EXPH5: variants seen among roughly 807,000 people sequenced by gnomAD.
The protein encoded by EXPH5 is exophilin 5, also known as exophilin-5.
Under a neutral mutation model 41.1 loss-of-function variants are expected in EXPH5, and 42 were observed. The observed-to-expected ratio is 1.02, with a 90% CI of 0.80 to 1.32. The LOEUF (loss-of-function observed/expected upper bound fraction) is 1.32, where lower values mean the gene tolerates loss of function less well. Among genes scored for constraint, EXPH5 ranks in the 40% most tolerant of loss-of-function variants. The pLI is 0.00. For missense variants in EXPH5, 2,298 were observed against 2,314.5 expected (o/e 0.99, Z 0.15); for synonymous variants, 798 against 833.5 (o/e 0.96, Z 0.73).
chr11:108,542,270 T>C (rs2093917050), intron 1 of EXPH5, among the ~76,000 whole-genome samples: 1 of 151,560 alleles, frequency 6.6e-6, no homozygotes, highest in African/African-American at 2.4e-5. Context: ...AATCTGTAAG[T>C]CTAGAAAAAA....
chr11:108,575,102 A>G (rs1001251870), intron 1 of EXPH5, among the ~76,000 whole-genome samples: 2 of 152,254 alleles, frequency 1.3e-5, no homozygotes, highest in African/African-American at 2.4e-5. Flanking sequence ...ATGGGTAGCT[A>G]TGTGAATAGA....
At chr11:108,556,698 C>T (rs933420926) in intron 1 of EXPH5, among the ~76,000 whole-genome samples, 1 of 152,212 alleles carries the variant, frequency 6.6e-6, no homozygotes, top group Non-Finnish European at 1.5e-5. Context: ...TGGTCTCGAA[C>T]TCCTGGCCTC....
At position 108,539,444 on chromosome 11, in the gene EXPH5, G is replaced by A. The variant is rs139640541; in HGVS notation, c.281-258C>T. Among the ~76,000 whole-genome samples the A allele has an allele frequency of 1.9e-3, 282 of 152,232 alleles. 1 individual carries two copies. The highest frequency in any genetic ancestry group is 3.4e-3 in the Non-Finnish European group (231 of 68,020). On this transcript the variant is annotated intron_variant, in intron 2 of 5. Coordinates refer to ENST00000265843, the MANE Select transcript of EXPH5 (RefSeq NM_015065.3). ...TGTACTGTGAATCAGAGTTCCTAGA[G>A]TGTTCCTCCTCTCACCCAAGCTAGG...
At chr11:108,559,020 C>T (rs759606384) in intron 1 of EXPH5, among the ~76,000 whole-genome samples, 22 of 152,170 alleles carry the variant, frequency 1.4e-4, no homozygotes, top group Non-Finnish European at 2.4e-4. Flanking sequence ...CCTCACCCCA[C>T]CAGCATGATG....
At chr11:108,584,469 C>T (rs946764207) in intron 1 of EXPH5, among the ~76,000 whole-genome samples, 6 of 151,220 alleles carry the variant, frequency 4.0e-5, no homozygotes, top group Non-Finnish European at 8.8e-5. Flanking sequence ...CAAAGAGAGA[C>T]CCTGTCTCAA....
chr11:108,547,256 C>T (rs1276020663), intron 1 of EXPH5, among the ~76,000 whole-genome samples: 1 of 151,890 alleles, frequency 6.6e-6, no homozygotes, highest in Non-Finnish European at 1.5e-5. Flanking sequence ...TGCAGTGGTG[C>T]TATCATAGCT....
chr11:108,528,188 T>C lies in EXPH5; in HGVS notation c.444-4A>G, dbSNP rs773964765. On this transcript the variant is annotated splice_region_variant and splice_polypyrimidine_tract_variant and intron_variant, in intron 3 of 5. Coordinates refer to ENST00000265843, the MANE Select transcript of EXPH5 (RefSeq NM_015065.3). ...AGGTCCTGCATGGCCATCACATCTG[T>C]GGAAATAATTTGAAATGATTTCTTT... The C allele has an allele frequency of 2.4e-5, 38 of 1,607,386 alleles. No homozygotes were observed. The highest frequency in any genetic ancestry group is 1.7e-4 in the African/African-American group (13 of 74,758).
At chr11:108,563,842 G>A (rs2094023244) in intron 1 of EXPH5, among the ~76,000 whole-genome samples, 1 of 152,232 alleles carries the variant, frequency 6.6e-6, no homozygotes, top group Non-Finnish European at 1.5e-5. Flanking sequence ...GTGGCTGTGT[G>A]AGGGGCTGCT....
Position 108,510,476 on chromosome 11 carries a change from T to C in EXPH5, c.5031A>G (p.Val1677=). ...GTGTAGAAGGTTCTCTGTTGGGTAG[T>C]ACAGTAATGGGGAGAAGGTTCTCGG... ...KKSENLLPIT[V]LPNREPSTHV... The change falls in exon 6 of 6, where the codon GTA becomes GTG. Residue 1677 remains valine (V), a synonymous_variant. Coordinates refer to ENST00000265843, the MANE Select transcript of EXPH5 (RefSeq NM_015065.3). 1.2e-6 allele frequency: 2 copies of C among 1,614,186 alleles called. No individual in the cohort carries two copies. Among genetic ancestry groups the C allele is most frequent in the Non-Finnish European group, 1.7e-6 (2 of 1,180,038 alleles).
chr11:108,528,482 T>G (rs1425735423), intron 3 of EXPH5, among the ~76,000 whole-genome samples: 1 of 152,208 alleles, frequency 6.6e-6, no homozygotes, highest in African/African-American at 2.4e-5. Context: ...CTATGTTTGT[T>G]GCACTGTTTA....
intron 1 of EXPH5, among the ~76,000 whole-genome samples, chr11:108,570,022 A>G (rs540675410): frequency 7.9e-5 from 12 of 152,290 alleles, no homozygotes; most frequent in African/African-American, 2.6e-4. Context: ...TTGACCTGCA[A>G]TCAAAAACTC....
rs2093643020 is a variant in EXPH5, at chr11:108,506,148, T to C, written c.*3389A>G. The C allele has an allele frequency of 6.6e-6, 1 of 152,218 alleles. No individual in the cohort carries two copies. Among genetic ancestry groups the C allele is most frequent in the Non-Finnish European group, 1.5e-5 (1 of 68,032 alleles). The allele number at this position is 152,218 out of a possible 1,614,324, so 9.4% of individuals were successfully genotyped here. A position where few individuals can be genotyped will look rare whatever the true frequency, so the allele number is the denominator to read the frequency against. On this transcript the variant is annotated 3_prime_UTR_variant, in exon 6 of 6. Transcript: ENST00000265843. Reference sequence around the variant, plus strand: ...CCATTTACATGAATGTTTATTTTAATAATGACTATATCTTTCAGAAAACAA... The same window carrying C: ...CCATTTACATGAATGTTTATTTTAACAATGACTATATCTTTCAGAAAACAA...
intron 1 of EXPH5, 125 bp downstream of exon 1, chr11:108,593,293 C>A: frequency 1.3e-6 from 1 of 798,490 alleles, no homozygotes; most frequent in South Asian, 1.6e-5. Flanking sequence ...CGACCCGCAG[C>A]CTCCGCAGCA....
chr11:108,575,648 A>G (rs1057323721), intron 1 of EXPH5, among the ~76,000 whole-genome samples: 4 of 152,252 alleles, frequency 2.6e-5, no homozygotes, highest in Non-Finnish European at 2.9e-5. Context: ...ATAAATAACA[A>G]AAATACCTAA....
chr11:108,520,376 T>C (rs556847278), intron 4 of EXPH5, among the ~76,000 whole-genome samples: 12 of 152,206 alleles, frequency 7.9e-5, no homozygotes, highest in African/African-American at 2.9e-4. Context: ...ACTGCTGATC[T>C]AGAATGGTAG....
At chr11:108,530,798 G>A (rs1340066232) in intron 3 of EXPH5, among the ~76,000 whole-genome samples, 1 of 152,180 alleles carries the variant, frequency 6.6e-6, no homozygotes, top group Non-Finnish European at 1.5e-5. Flanking sequence ...ACCACCAAGC[G>A]TGAGGGCGTG....
chr11:108,540,173 A>T lies in EXPH5; in HGVS notation c.281-987T>A, dbSNP rs544564244. Among the ~76,000 whole-genome samples the T allele has an allele frequency of 2.6e-5, 4 of 152,142 alleles. No individual in the cohort carries two copies. In the South Asian group the frequency reaches 8.3e-4, roughly 32 times the overall value. On this transcript the variant is annotated intron_variant, in intron 2 of 5. Transcript: ENST00000265843. Reference sequence around the variant, plus strand: ...CCGTCTCTACTAAAAATACAAAAAAATTAGCCAGGTGTGGTGGCGCACGCC... The same window carrying T: ...CCGTCTCTACTAAAAATACAAAAAATTTAGCCAGGTGTGGTGGCGCACGCC...
At chr11:108,521,848 A>G (rs996377368) in intron 4 of EXPH5, among the ~76,000 whole-genome samples, 1 of 152,198 alleles carries the variant, frequency 6.6e-6, no homozygotes, top group East Asian at 1.9e-4. Flanking sequence ...TTTAACACCA[A>G]ACAATCTTTT....
intron 3 of EXPH5, among the ~76,000 whole-genome samples, chr11:108,530,254 C>G (rs928971171): frequency 6.6e-6 from 1 of 152,086 alleles, no homozygotes; most frequent in Admixed American, 6.5e-5. Context: ...CTGTTTTCCT[C>G]CTACACTCTA....
Sources: allele counts gnomAD v4.1 joint callset (sites outside exome capture counted in the v4.1 genomes callset), GRCh38; gene constraint gnomAD v4.1.1; transcripts MANE v1.5; gene names NCBI Gene and HGNC (gene_info 2026-07-23, HGNC 2026-07-21).